UBE2W: variants seen among roughly 807,000 people sequenced by gnomAD.
UBE2W encodes the protein ubiquitin conjugating enzyme E2 W, also known as ubiquitin-conjugating enzyme E2 W.
Under a neutral mutation model 27.2 loss-of-function variants are expected in UBE2W, and 18 were observed. That is an observed-to-expected ratio of 0.66 (90% CI 0.46 to 0.98). UBE2W has a LOEUF of 0.98. Ranked by LOEUF, UBE2W falls within the 50% of genes least tolerant of loss-of-function variation. UBE2W has a pLI of 0.00. For synonymous variants in UBE2W, 53 were observed against 57.2 expected (o/e 0.93, Z 0.33); for missense variants, 90 against 180.2 (o/e 0.50, Z 2.87).
rs1812321129 is a variant in UBE2W, at chr8:73,878,271, G to A, written c.15+537C>T. On this transcript the variant is annotated intron_variant, in intron 1 of 5. Coordinates refer to ENST00000602593, the MANE Select transcript of UBE2W (RefSeq NM_018299.6). ...AGTCAAAGGGAAGAAGAGAGGGACG[G>A]GGCCGAGCAGTCTGGGGGGCCCGGC... is the stretch of plus-strand genomic sequence containing the variant. Among the ~76,000 whole-genome samples, 3 of 152,214 alleles carry A rather than the reference G, an allele frequency of 2.0e-5. No individual in the cohort carries two copies. In the South Asian group the frequency reaches 6.2e-4, roughly 31 times the overall value.
At chr8:73,808,984 C>T (rs575720054) in intron 4 of UBE2W, among the ~76,000 whole-genome samples, 6 of 152,180 alleles carry the variant, frequency 3.9e-5, no homozygotes, top group South Asian at 4.2e-4. Flanking sequence ...GTACAGATAT[C>T]GCTGACATTA....
chr8:73,825,956 T>C (rs1259630793), intron 2 of UBE2W, among the ~76,000 whole-genome samples: 1 of 152,192 alleles, frequency 6.6e-6, no homozygotes, highest in African/African-American at 2.4e-5. Context: ...CAACTGCCTC[T>C]GATTATTACT....
At chr8:73,872,382 A>G (rs1421402803) in intron 1 of UBE2W, among the ~76,000 whole-genome samples, 1 of 152,246 alleles carries the variant, frequency 6.6e-6, no homozygotes, top group Non-Finnish European at 1.5e-5. Context: ...CTATAAAGGA[A>G]TAATTTAAAA....
intron 1 of UBE2W, among the ~76,000 whole-genome samples, chr8:73,834,801 C>T (rs529822772): frequency 4.6e-4 from 70 of 152,142 alleles, no homozygotes; most frequent in African/African-American, 1.6e-3. Flanking sequence ...CCCAGCTACT[C>T]GGGAGGCTGA....
At chr8:73,816,229 C>T (rs1194294777) in intron 3 of UBE2W, among the ~76,000 whole-genome samples, 1 of 152,200 alleles carries the variant, frequency 6.6e-6, no homozygotes, top group Non-Finnish European at 1.5e-5. Context: ...CCTTTATACT[C>T]TATGTTCTTT....
intron 1 of UBE2W, among the ~76,000 whole-genome samples, chr8:73,830,968 A>T (rs1810041456): frequency 6.6e-6 from 1 of 152,194 alleles, no homozygotes; most frequent in Non-Finnish European, 1.5e-5. Flanking sequence ...ATCTATTGTC[A>T]AACTATTTCA....
intron 1 of UBE2W, among the ~76,000 whole-genome samples, chr8:73,850,210 T>C (rs1811013156): frequency 6.6e-6 from 1 of 152,190 alleles, no homozygotes; most frequent in Non-Finnish European, 1.5e-5. Context: ...GGAAATATAA[T>C]AGAACCATAA....
chr8:73,813,574 C>A (rs1367021903), intron 3 of UBE2W, among the ~76,000 whole-genome samples: 2 of 152,126 alleles, frequency 1.3e-5, no homozygotes, highest in East Asian at 1.9e-4. Context: ...TAATAGGTAA[C>A]CCTTAGGGCC....
chr8:73,807,246 T>C (rs1021484450), intron 4 of UBE2W, among the ~76,000 whole-genome samples: 10 of 152,250 alleles, frequency 6.6e-5, no homozygotes, highest in Non-Finnish European at 1.3e-4. Flanking sequence ...ATTTTCAGAC[T>C]TAAATCTGCT....
intron 1 of UBE2W, among the ~76,000 whole-genome samples, chr8:73,851,231 A>C (rs768986015): frequency 6.6e-6 from 1 of 151,622 alleles, no homozygotes; most frequent in East Asian, 2.0e-4. Context: ...TTGATTGTGA[A>C]GGGAAAGAAA....
chr8:73,833,244 TCA>T (rs977020398), intron 1 of UBE2W, among the ~76,000 whole-genome samples: 3 of 149,918 alleles, frequency 2.0e-5, no homozygotes, highest in Non-Finnish European at 4.4e-5. Context: ...GAATGTCATT[TCA>T]CAGACAAGCT....
intron 1 of UBE2W, among the ~76,000 whole-genome samples, chr8:73,865,421 T>C (rs1170777809): frequency 6.6e-6 from 1 of 152,108 alleles, no homozygotes; most frequent in African/African-American, 2.4e-5. Context: ...AAGACCAGCC[T>C]AGGCAACATG....
chr8:73,847,147 C>T (rs149973251), intron 1 of UBE2W, among the ~76,000 whole-genome samples: 8 of 152,120 alleles, frequency 5.3e-5, no homozygotes, highest in South Asian at 4.2e-4. Context: ...CCAGCCTGGG[C>T]GACAGAGTGA....
intron 1 of UBE2W, among the ~76,000 whole-genome samples, chr8:73,866,268 T>TA (rs10568367): frequency 0.034 from 1,428 of 42,288 alleles, 112 homozygotes; most frequent in Non-Finnish European, 0.044. Context: ...AGACTTGGTC[T>TA]AAAAAAAAAA....
At chr8:73,810,381 C>A in intron 4 of UBE2W, 93 bp downstream of exon 4, 2 of 1,232,862 alleles carry the variant, frequency 1.6e-6, no homozygotes, top group Admixed American at 2.7e-5. Context: ...AGCATAAATC[C>A]TTCCTCCAAA....
intron 1 of UBE2W, among the ~76,000 whole-genome samples, chr8:73,864,366 G>C (rs1229412712): frequency 6.6e-6 from 1 of 152,166 alleles, no homozygotes. Context: ...GGGTGACAGA[G>C]TGAGACTGTC....
intron 1 of UBE2W, among the ~76,000 whole-genome samples, chr8:73,866,291 ATATATATATAT>A (rs1471040515): frequency 1.1e-4 from 5 of 44,692 alleles, no homozygotes; most frequent in Admixed American, 3.1e-4. Context: ...AAAAAAAAAA[ATATATATATAT>A]ATATATATAT....
At chr8:73,799,848 T>C (rs1808565538) in intron 5 of UBE2W, among the ~76,000 whole-genome samples, 1 of 152,208 alleles carries the variant, frequency 6.6e-6, no homozygotes, top group Admixed American at 6.5e-5. Flanking sequence ...GCCTGTTCTG[T>C]AAGCCTTTGA....
At chr8:73,854,022 G>A (rs1038349949) in intron 1 of UBE2W, among the ~76,000 whole-genome samples, 28 of 152,154 alleles carry the variant, frequency 1.8e-4, no homozygotes, top group African/African-American at 5.5e-4. Context: ...GGTGGTGCAC[G>A]CTTGTAGTCC....
Sources: allele counts gnomAD v4.1 joint callset (sites outside exome capture counted in the v4.1 genomes callset), GRCh38; gene constraint gnomAD v4.1.1; transcripts MANE v1.5; gene names NCBI Gene and HGNC (gene_info 2026-07-23, HGNC 2026-07-21).